Variants in IGF2BP2 observed in about 807,000 individuals in gnomAD.
The protein encoded by IGF2BP2 is insulin-like growth factor 2 mRNA-binding protein 2.
Under a neutral mutation model 75.8 loss-of-function variants are expected in IGF2BP2, and 17 were observed. The observed-to-expected ratio is 0.22, with a 90% CI of 0.15 to 0.34. The LOEUF (loss-of-function observed/expected upper bound fraction) is 0.34. Ranked by LOEUF, IGF2BP2 falls within the 10% of genes least tolerant of loss-of-function variation. The pLI is 1.00. For missense variants in IGF2BP2, 516 were observed against 772.4 expected, an observed-to-expected ratio of 0.67 and a Z score of 3.93; for synonymous variants, 288 against 295.6, an observed-to-expected ratio of 0.97 and a Z score of 0.26.
chr3:185,808,117 TAAAA>T lies in IGF2BP2; in HGVS notation c.239+15032_239+15035del, dbSNP rs1188624871. Reference sequence around the variant, plus strand: ...CAAGATGCCAAGACCTCGTTTCTTTTAAAAAAAAAAAAAAAAAAGAAAGAAAGAA... The same window carrying T: ...CAAGATGCCAAGACCTCGTTTCTTTTAAAAAAAAAAAAAAGAAAGAAAGAA... On this transcript the variant is annotated intron_variant, in intron 2 of 15. Coordinates refer to ENST00000382199, the MANE Select transcript of IGF2BP2 (RefSeq NM_006548.6). Among the ~76,000 whole-genome samples the T allele has an allele frequency of 2.1e-3, 263 of 128,068 alleles. 3 individuals carry two copies. The South Asian group carries it at 0.027, about 13-fold the overall frequency. The allele number at this position is 128,068 out of a possible 152,430, so 84.0% of individuals were successfully genotyped here. A position where few individuals can be genotyped will look rare whatever the true frequency, so the allele number is the denominator to read the frequency against.
At chr3:185,756,066 G>A (rs1026652984) in intron 2 of IGF2BP2, among the ~76,000 whole-genome samples, 3 of 152,140 alleles carry the variant, frequency 2.0e-5, no homozygotes, top group Admixed American at 2.0e-4. Context: ...AATGGAACCT[G>A]GTAGGAAGTA....
chr3:185,679,273 A>AT (rs909136802), intron 7 of IGF2BP2, among the ~76,000 whole-genome samples: 67 of 150,380 alleles, frequency 4.5e-4, no homozygotes, highest in African/African-American at 1.6e-3. Flanking sequence ...GTTCTCATAG[A>AT]TTTTTTCTTG....
intron 2 of IGF2BP2, among the ~76,000 whole-genome samples, chr3:185,744,386 C>CA (rs928252589): frequency 2.4e-4 from 35 of 147,976 alleles, no homozygotes; most frequent in South Asian, 8.5e-4. Flanking sequence ...ATATAGTCTG[C>CA]AAAAAAAAAG....
At chr3:185,802,240 G>C (rs571783411) in intron 2 of IGF2BP2, among the ~76,000 whole-genome samples, 2 of 149,302 alleles carry the variant, frequency 1.3e-5, no homozygotes, top group African/African-American at 5.0e-5. Flanking sequence ...CAGGTAGAGA[G>C]GTTCTGATCA....
At chr3:185,677,044 G>GATAGATAT (rs1553855687) in intron 7 of IGF2BP2, among the ~76,000 whole-genome samples, 10 of 23,860 alleles carry the variant, frequency 4.2e-4, no homozygotes, top group Non-Finnish European at 6.5e-4. Flanking sequence ...TATATATGGA[G>GATAGATAT]ATATATATAT....
At chr3:185,769,064 G>A (rs1252882361) in intron 2 of IGF2BP2, among the ~76,000 whole-genome samples, 1 of 152,062 alleles carries the variant, frequency 6.6e-6, no homozygotes, top group Admixed American at 6.5e-5. Flanking sequence ...GAACCTGGGC[G>A]GGGCGCGGTG....
chr3:185,736,281 A>G (rs1339363799), intron 2 of IGF2BP2, among the ~76,000 whole-genome samples: 1 of 152,158 alleles, frequency 6.6e-6, no homozygotes, highest in Non-Finnish European at 1.5e-5. Flanking sequence ...GCTCCTTCCA[A>G]GGGCCCCAAC....
Position 185,689,452 on chromosome 3 carries a change from A to T in IGF2BP2, c.580T>A (p.Phe194Ile), listed in dbSNP as rs561951979. The T allele has an allele frequency of 6.2e-7, 1 of 1,613,884 alleles. No individual in the cohort carries two copies. The highest frequency in any genetic ancestry group is 1.1e-5 in the South Asian group (1 of 91,056). Residue 194 changes from phenylalanine (F) to isoleucine (I), a missense_variant, in exon 6 of 16, where the codon TTC becomes ATC. Phe to Ile is a conservative substitution (Grantham distance 21). Coordinates refer to ENST00000382199, the MANE Select transcript of IGF2BP2 (RefSeq NM_006548.6). ...GTGGGGACCAGGATCCGCAGCGGGA[A>T]ATCAATCTGTCTGGCCTGAGAAGTG... ...GGTSQARQIDFPLRILVPTQF... is the reference protein window; with the variant it reads ...GGTSQARQIDIPLRILVPTQF...
chr3:185,810,847 A>T (rs1219806467), intron 2 of IGF2BP2, among the ~76,000 whole-genome samples: 1 of 152,136 alleles, frequency 6.6e-6, no homozygotes, highest in Non-Finnish European at 1.5e-5. Flanking sequence ...TTACTTTACA[A>T]CATGTTTTCT....
chr3:185,781,536 A>T (rs767596546), intron 2 of IGF2BP2, among the ~76,000 whole-genome samples: 3 of 152,192 alleles, frequency 2.0e-5, no homozygotes, highest in Non-Finnish European at 4.4e-5. Flanking sequence ...TGGATCCTGG[A>T]TATTAAATAA....
intron 2 of IGF2BP2, among the ~76,000 whole-genome samples, chr3:185,811,932 A>G (rs1442272743): frequency 1.3e-5 from 2 of 151,548 alleles, no homozygotes; most frequent in Non-Finnish European, 2.9e-5. Flanking sequence ...AACAACACGT[A>G]GCTAAATTCC....
At chr3:185,822,842 T>C (rs1335899411) in intron 2 of IGF2BP2, among the ~76,000 whole-genome samples, 2 of 132,704 alleles carry the variant, frequency 1.5e-5, no homozygotes, top group Non-Finnish European at 3.2e-5. Flanking sequence ...CTGCTGGGGG[T>C]AGGGGCGGGA....
Position 185,689,611 on chromosome 3 carries a change from T to A in IGF2BP2, c.421A>T (p.Ser141Cys). ...EEAKIAMEKL[S>C]GHQFENYSFK... ...GAGTAGTTCTCAAACTGATGCCCGC[T>A]TAGCTTCTCCATGGCTCTGAAATGC... Residue 141 changes from serine (S) to cysteine (C), a missense_variant, in exon 6 of 16, where the codon AGC becomes TGC. Physicochemically the swap from Ser to Cys is moderately radical, Grantham distance 112 (BLOSUM62 -1). Coordinates refer to ENST00000382199, the MANE Select transcript of IGF2BP2 (RefSeq NM_006548.6). 6.2e-7 allele frequency: 1 copy of A among 1,614,102 alleles called. No individual in the cohort carries two copies. Among genetic ancestry groups the A allele is most frequent in the South Asian group, 1.1e-5 (1 of 91,080 alleles).
intron 2 of IGF2BP2, among the ~76,000 whole-genome samples, chr3:185,812,443 C>T (rs1740028883): frequency 6.6e-6 from 1 of 152,166 alleles, no homozygotes; most frequent in South Asian, 2.1e-4. Context: ...AGTAGTCTGG[C>T]ATGCAGCTGG....
chr3:185,742,347 T>A (rs889286897), intron 2 of IGF2BP2, among the ~76,000 whole-genome samples: 8 of 151,978 alleles, frequency 5.3e-5, no homozygotes, highest in Non-Finnish European at 1.0e-4. Flanking sequence ...TACAAAAAAA[T>A]TAGCCAGGCA....
intron 2 of IGF2BP2, among the ~76,000 whole-genome samples, chr3:185,763,983 CAGAGAGAGA>C (rs551693655): frequency 6.6e-6 from 1 of 151,992 alleles, no homozygotes; most frequent in Admixed American, 6.6e-5. Context: ...GGAGTGAGGG[CAGAGAGAGA>C]AGAGGGTGAG....
chr3:185,645,523 T>C lies in IGF2BP2; in HGVS notation c.*8A>G. The C allele has an allele frequency of 6.3e-7, 1 of 1,598,754 alleles. No individual in the cohort carries two copies. The highest frequency in any genetic ancestry group is 1.7e-4 in the Middle Eastern group (1 of 5,920). On this transcript the variant is annotated 3_prime_UTR_variant, in exon 16 of 16. Coordinates refer to ENST00000382199, the MANE Select transcript of IGF2BP2 (RefSeq NM_006548.6). The surrounding 1 kb of genome is among the most constrained non-coding windows in gnomAD (Gnocchi z 4.9). ...TCATCCGTTGTTTTGCTGGTGCCTGTGGGAGCCTCACTTGCTGCGCTGTGA... is the reference window on the plus strand; with the variant it reads ...TCATCCGTTGTTTTGCTGGTGCCTGCGGGAGCCTCACTTGCTGCGCTGTGA...
At chr3:185,704,638 TG>T (rs1046105766) in intron 2 of IGF2BP2, among the ~76,000 whole-genome samples, 6 of 152,092 alleles carry the variant, frequency 3.9e-5, no homozygotes, top group African/African-American at 1.4e-4. Context: ...TTTGTAGAGA[TG>T]GGGTTTTGAC....
intron 5 of IGF2BP2, among the ~76,000 whole-genome samples, chr3:185,692,494 C>T (rs1252583798): frequency 6.6e-6 from 1 of 152,132 alleles, no homozygotes; most frequent in Non-Finnish European, 1.5e-5. Flanking sequence ...ACTGACATGT[C>T]AAAGATGGCA....
Sources: allele counts gnomAD v4.1 joint callset (sites outside exome capture counted in the v4.1 genomes callset), GRCh38; gene constraint gnomAD v4.1.1; non-coding constraint Gnocchi (gnomAD v3.1); transcripts MANE v1.5; gene names NCBI Gene and HGNC (gene_info 2026-07-23, HGNC 2026-07-21).